The following ADRA1A variants were observed in gnomAD, a reference collection of about 807,000 sequenced individuals.
ADRA1A encodes adrenoceptor alpha 1A.
Under a neutral mutation model 29.6 loss-of-function variants are expected in ADRA1A, and 31 were observed. The ratio of observed to expected loss-of-function variants is 1.05; its 90% confidence interval spans 0.79 to 1.41. ADRA1A has a LOEUF of 1.41. Ranked by LOEUF, ADRA1A falls within the 40% of genes most tolerant of loss-of-function variation. The pLI, the probability that ADRA1A is intolerant of heterozygous loss-of-function variation, is 0.00. For missense variants in ADRA1A, 619 were observed against 601.1 expected (o/e 1.03, Z -0.31); for synonymous variants, 311 against 254.3 (o/e 1.22, Z -2.12).
chr8:26,812,327 A>C (rs1187025012), intron 2 of ADRA1A, among the ~76,000 whole-genome samples: 1 of 152,176 alleles, frequency 6.6e-6, no homozygotes, highest in Non-Finnish European at 1.5e-5. Context: ...TCAACTCATA[A>C]CCACTCAGAA....
chr8:26,794,428 T>C (rs1289003361), intron 2 of ADRA1A, among the ~76,000 whole-genome samples: 1 of 152,130 alleles, frequency 6.6e-6, no homozygotes. Context: ...AATTTTGGGA[T>C]ACAGGGCCAG....
chr8:26,811,195 C>CT (rs745317292), intron 2 of ADRA1A, among the ~76,000 whole-genome samples: 16,289 of 125,964 alleles, frequency 0.13, 946 homozygotes, highest in African/African-American at 0.2. Flanking sequence ...TCTTTCTTTT[C>CT]TTTTTTTTTT....
At chr8:26,757,512 T>TCCCCCA in intron 2 of ADRA1A, among the ~76,000 whole-genome samples, 1 of 147,580 alleles carries the variant, frequency 6.8e-6, no homozygotes, top group Non-Finnish European at 1.5e-5. Flanking sequence ...TGCTTCCATT[T>TCCCCCA]CCCCCACCCC....
At chr8:26,768,743 T>A (rs1805929232), downstream of ADRA1A, 1 of 303,310 alleles carries the variant, frequency 3.3e-6, no homozygotes, top group Non-Finnish European at 4.8e-6. Flanking sequence ...ATTTCAAAAT[T>A]TGAAAAAATC....
downstream of ADRA1A, among the ~76,000 whole-genome samples, chr8:26,754,633 T>C (rs1294067753): frequency 6.6e-6 from 1 of 152,132 alleles, no homozygotes; most frequent in Non-Finnish European, 1.5e-5. Context: ...GCAGAAACGC[T>C]GCAGCAAGCC....
exon 3 of ADRA1A, chr8:26,756,779 C>T: frequency 6.2e-7 from 1 of 1,612,808 alleles, no homozygotes; most frequent in Non-Finnish European, 8.5e-7. Flanking sequence ...GGTGTGTGTC[C>T]CTTTAAAACA....
intron 2 of ADRA1A, among the ~76,000 whole-genome samples, chr8:26,790,649 T>C (rs1004954370): frequency 2.0e-4 from 31 of 152,202 alleles, no homozygotes; most frequent in African/African-American, 7.5e-4. Flanking sequence ...TTTGAAGTGA[T>C]GGATATGTTA....
intron 2 of ADRA1A, among the ~76,000 whole-genome samples, chr8:26,809,834 G>T (rs985485132): frequency 1.1e-4 from 17 of 152,156 alleles, no homozygotes; most frequent in African/African-American, 3.9e-4. Flanking sequence ...AGATAAAAGG[G>T]TTACAATCAT....
rs1809705074 is a variant in ADRA1A at position 26,815,701 on chromosome 8, A to G, written c.884-45035T>C. Among the ~76,000 whole-genome samples, 1 of 152,232 alleles carries G rather than the reference A, an allele frequency of 6.6e-6. No homozygotes were observed. On this transcript the variant is annotated intron_variant, in intron 2 of 2. Transcript: ENST00000380573. This position sits in a 1 kb window ranked among gnomAD's most constrained non-coding sequence, Gnocchi z 4.2. ...TTGAGTACTGAACAAGAATAAAAAT[A>G]AAGCATACCAAAACTTGTAGAATGC...
chr8:26,764,513 C>T (rs1162789110), downstream of ADRA1A, among the ~76,000 whole-genome samples: 1 of 152,108 alleles, frequency 6.6e-6, no homozygotes, highest in Non-Finnish European at 1.5e-5. Context: ...GAGATATGAA[C>T]GTCAAGAGTG....
chr8:26,855,635 G>T (rs1020197229), intron 2 of ADRA1A, among the ~76,000 whole-genome samples: 1 of 152,128 alleles, frequency 6.6e-6, no homozygotes, highest in African/African-American at 2.4e-5. Context: ...TGCATGCCAG[G>T]CTTAAAACCT....
At position 26,769,547 on chromosome 8, in the gene ADRA1A, A is replaced by G; in HGVS notation, c.*602T>C. ...CTTTGGGAAATGAGGAGCAGCATCC[A>G]TTCAAAGTGCAGTCAAAGGTAAACC... is the stretch of plus-strand genomic sequence containing the variant. On this transcript the variant is annotated 3_prime_UTR_variant, in exon 3 of 3. Transcript: ENST00000380573. 2 of 985,446 alleles carry G rather than the reference A, an allele frequency of 2.0e-6. No homozygotes were observed. Among genetic ancestry groups the G allele is most frequent in the Non-Finnish European group, 1.2e-6 (1 of 829,932 alleles). The allele number at this position is 985,446 out of a possible 1,614,324, so 61.0% of individuals were successfully genotyped here.
intron 2 of ADRA1A, among the ~76,000 whole-genome samples, chr8:26,817,595 A>G (rs1047648365): frequency 1.3e-5 from 2 of 152,158 alleles, no homozygotes; most frequent in African/African-American, 2.4e-5. Context: ...GCTGGGAAAC[A>G]TGAAAAATGC....
At chr8:26,804,954 C>T (rs1029236752) in intron 2 of ADRA1A, among the ~76,000 whole-genome samples, 3 of 152,202 alleles carry the variant, frequency 2.0e-5, no homozygotes, top group African/African-American at 4.8e-5. Flanking sequence ...AAATAAGCTT[C>T]GGAGTCAGTC....
chr8:26,791,298 T>C (rs892952506), intron 2 of ADRA1A, among the ~76,000 whole-genome samples: 2 of 152,154 alleles, frequency 1.3e-5, no homozygotes, highest in Non-Finnish European at 2.9e-5. Context: ...TGTGGATAGA[T>C]TTGGAGTATT....
chr8:26,780,857 G>A (rs113699641), intron 2 of ADRA1A, among the ~76,000 whole-genome samples: 7 of 152,232 alleles, frequency 4.6e-5, no homozygotes, highest in Non-Finnish European at 8.8e-5. Flanking sequence ...TGCTCCTTAT[G>A]AGAATCTAAT....
intron 2 of ADRA1A, among the ~76,000 whole-genome samples, chr8:26,839,926 G>A (rs1472004977): frequency 1.3e-5 from 2 of 152,104 alleles, no homozygotes; most frequent in African/African-American, 4.8e-5. Flanking sequence ...CTTGACCCTC[G>A]GTCCAGCCTC....
rs1331267494 is a variant in ADRA1A at position 26,821,414 on chromosome 8, G to A, written c.883+42673C>T. 6.6e-6 allele frequency among the ~76,000 whole-genome samples: 1 copy of A among 152,044 alleles called. No individual in the cohort carries two copies. The highest frequency in any genetic ancestry group is 2.4e-5 in the African/African-American group (1 of 41,392). ...GCAAGACAGAGCAAGGGAGTGGGGA[G>A]GCCTCAGACTTTTAAACAAGCAGAC... On this transcript the variant is annotated intron_variant, in intron 2 of 2. Coordinates refer to ENST00000380573, the MANE Select transcript of ADRA1A (RefSeq NM_000680.4). The surrounding 1 kb of genome is among the most constrained non-coding windows in gnomAD (Gnocchi z 5.6).
At chr8:26,779,999 A>G (rs1806839308) in intron 2 of ADRA1A, among the ~76,000 whole-genome samples, 1 of 152,172 alleles carries the variant, frequency 6.6e-6, no homozygotes, top group Non-Finnish European at 1.5e-5. Flanking sequence ...AGGCTTATCA[A>G]GGGGCTCAGT....
Sources: allele counts gnomAD v4.1 joint callset (sites outside exome capture counted in the v4.1 genomes callset), GRCh38; gene constraint gnomAD v4.1.1; non-coding constraint Gnocchi (gnomAD v3.1); transcripts MANE v1.5; gene names NCBI Gene and HGNC (gene_info 2026-07-23, HGNC 2026-07-21).